The following CENPP variants were observed in gnomAD, a reference collection of about 807,000 sequenced individuals.
CENPP encodes centromere protein P.
CENPP carries 24 observed loss-of-function variants against 35.6 expected under a neutral mutation model. That is an observed-to-expected ratio of 0.67 (90% CI 0.49 to 0.95). The LOEUF (loss-of-function observed/expected upper bound fraction) is 0.95. CENPP is among the 40% of genes least tolerant of loss of function. The probability of loss-of-function intolerance (pLI) is 0.00; values close to 1 mark genes in which losing one functional copy is unlikely to be tolerated. For missense variants in CENPP, 332 were observed against 345.3 expected (o/e 0.96, Z 0.31); for synonymous variants, 120 against 125.5 (o/e 0.96, Z 0.29).
intron 5 of CENPP, chr9:92,482,165 A>G (rs1845934083): frequency 6.6e-6 from 1 of 152,166 alleles, no homozygotes; most frequent in Non-Finnish European, 1.5e-5. Context: ...GCTGATTTTT[A>G]AGAAATTATA....
chr9:92,371,844 C>T (rs1323532443), intron 4 of CENPP, among the ~76,000 whole-genome samples: 1 of 149,552 alleles, frequency 6.7e-6, no homozygotes, highest in African/African-American at 2.4e-5. Context: ...ACTCCTTTAT[C>T]ATTATATAAT....
intron 5 of CENPP, among the ~76,000 whole-genome samples, chr9:92,416,063 TA>T (rs1315454355): frequency 1.0e-5 from 1 of 97,080 alleles, no homozygotes; most frequent in East Asian, 1.1e-3. Context: ...TGTGTGTATA[TA>T]TATATATTTA....
chr9:92,541,448 C>T (rs1230324434), intron 5 of CENPP, among the ~76,000 whole-genome samples: 1 of 146,010 alleles, frequency 6.8e-6, no homozygotes, highest in Non-Finnish European at 1.5e-5. Context: ...CACACCCCCA[C>T]CCTCCTGGTT....
chr9:92,592,029 T>C (rs1027712603), intron 5 of CENPP, among the ~76,000 whole-genome samples: 1 of 151,796 alleles, frequency 6.6e-6, no homozygotes, highest in South Asian at 2.1e-4. Context: ...ATTGTGCACA[T>C]GTACCCTAAA....
chr9:92,403,132 T>A, intron 5 of CENPP: 1 of 701,360 alleles, frequency 1.4e-6, no homozygotes, highest in Non-Finnish European at 2.3e-6. Context: ...TTAAAGTGAT[T>A]TTCCCTTCCC....
intron 5 of CENPP, chr9:92,404,633 G>A: frequency 7.8e-7 from 1 of 1,280,082 alleles, no homozygotes; most frequent in Admixed American, 2.8e-5. Flanking sequence ...GGGCCCAGCA[G>A]CTTTAAGAAC....
At chr9:92,574,518 C>T (rs963367962) in intron 5 of CENPP, among the ~76,000 whole-genome samples, 7 of 152,060 alleles carry the variant, frequency 4.6e-5, no homozygotes, top group African/African-American at 1.4e-4. Context: ...TAGGAATTAA[C>T]CAAGAAGGTG....
chr9:92,351,084 C>A (rs575650289), intron 4 of CENPP, among the ~76,000 whole-genome samples: 2 of 152,264 alleles, frequency 1.3e-5, no homozygotes, highest in East Asian at 3.9e-4. Flanking sequence ...AAAATACTTA[C>A]AAAATCTACC....
At chr9:92,573,385 G>A (rs998637124) in intron 5 of CENPP, among the ~76,000 whole-genome samples, 1 of 152,102 alleles carries the variant, frequency 6.6e-6, no homozygotes, top group Admixed American at 6.5e-5. Flanking sequence ...TTTTTGCCTG[G>A]GTATCACCAG....
intron 5 of CENPP, chr9:92,474,616 A>G: frequency 6.2e-7 from 1 of 1,603,760 alleles, no homozygotes. Flanking sequence ...ATCGACTTAT[A>G]TTCTTACCTA....
intron 5 of CENPP, among the ~76,000 whole-genome samples, chr9:92,423,287 G>A (rs753640493): frequency 1.9e-4 from 29 of 152,062 alleles, no homozygotes; most frequent in Non-Finnish European, 3.1e-4. Context: ...AGTTTTCAAT[G>A]TGAATTTTTC....
chr9:92,406,896 C>T (rs923614134), intron 5 of CENPP, among the ~76,000 whole-genome samples: 4 of 152,138 alleles, frequency 2.6e-5, no homozygotes, highest in African/African-American at 9.7e-5. Context: ...ACTTCTGATA[C>T]CAACAGCAAT....
rs115116400 is a variant in CENPP, at chr9:92,417,307, C to G, written c.564+37448C>G. On this transcript the variant is annotated intron_variant, in intron 5 of 7. Coordinates refer to ENST00000375587, the MANE Select transcript of CENPP (RefSeq NM_001012267.3). ...TGTGCATCGGAATATTTGGGATAGT[C>G]TTGAGTTTGCGATTATCACAGTACA... is the stretch of plus-strand genomic sequence containing the variant. The G allele has an allele frequency of 1.5e-3, 2,430 of 1,613,988 alleles. 47 individuals are homozygous for G. The African/African-American group carries it at 0.028, about 19-fold the overall frequency.
chr9:92,594,892 C>CTT lies in CENPP; in HGVS notation c.565-16402_565-16401dup, dbSNP rs1213825480. On this transcript the variant is annotated intron_variant, in intron 5 of 7. Coordinates refer to ENST00000375587, the MANE Select transcript of CENPP (RefSeq NM_001012267.3). ...GTCCTGGATGTGAGAGGTTGCTCTT[C>CTT]TTTTTTTTTTTTTTTTTTTTTGAGA... Among the ~76,000 whole-genome samples the CTT allele has an allele frequency of 6.5e-3, 678 of 105,044 alleles. 17 individuals carry two copies. Among genetic ancestry groups the CTT allele is most frequent in the South Asian group, 0.018 (56 of 3,030 alleles). The allele number at this position is 105,044 out of a possible 152,430, so 68.9% of individuals were successfully genotyped here.
In CENPP at chr9:92,399,069, AT is replaced by A. The variant is rs1338830585; in HGVS notation, c.564+19211del. 2.2e-4 allele frequency among the ~76,000 whole-genome samples: 34 copies of A among 152,040 alleles called. No individual in the cohort carries two copies. In the East Asian group the frequency reaches 6.2e-3, roughly 28 times the overall value. On this transcript the variant is annotated intron_variant, in intron 5 of 7. Coordinates refer to ENST00000375587, the MANE Select transcript of CENPP (RefSeq NM_001012267.3). ...GACTCTGTCTCAAAAAAAAAAAAAAATCCTCAAAGTTGGTTCTTATGTCAAA... is the reference window on the plus strand; with the variant it reads ...GACTCTGTCTCAAAAAAAAAAAAAAACCTCAAAGTTGGTTCTTATGTCAAA...
At chr9:92,341,580 T>C (rs1035661024) in intron 3 of CENPP, 5 of 152,262 alleles carry the variant, frequency 3.3e-5, no homozygotes, top group African/African-American at 9.6e-5. Flanking sequence ...GGTCCCCCGA[T>C]AGTAGAAGAC....
chr9:92,573,419 T>C (rs1230322135), intron 5 of CENPP, among the ~76,000 whole-genome samples: 1 of 152,328 alleles, frequency 6.6e-6, no homozygotes, highest in African/African-American at 2.4e-5. Flanking sequence ...ACAGCAAATA[T>C]TGCAGAAGGG....
intron 5 of CENPP, chr9:92,385,401 G>T (rs1842378431): frequency 2.1e-6 from 1 of 468,858 alleles, no homozygotes; most frequent in African/African-American, 2.0e-5. Flanking sequence ...TTGTAATGCT[G>T]TTTAAATATT....
chr9:92,442,258 C>T (rs959359232), intron 5 of CENPP, among the ~76,000 whole-genome samples: 7 of 151,642 alleles, frequency 4.6e-5, no homozygotes, highest in African/African-American at 1.5e-4. Context: ...ATTAGCCGAG[C>T]GTGGTGGCGC....
Sources: allele counts gnomAD v4.1 joint callset (sites outside exome capture counted in the v4.1 genomes callset), GRCh38; gene constraint gnomAD v4.1.1; transcripts MANE v1.5; gene names NCBI Gene and HGNC (gene_info 2026-07-23, HGNC 2026-07-21).